The following NFATC2 variants were observed in gnomAD, a reference collection of about 807,000 sequenced individuals.
NFATC2 encodes nuclear factor of activated T-cells, cytoplasmic 2.
NFATC2 carries 22 observed loss-of-function variants against 87.3 expected under a neutral mutation model. The observed-to-expected ratio is 0.25, with a 90% CI of 0.18 to 0.36. NFATC2 has a LOEUF of 0.36. Among genes scored for constraint, NFATC2 ranks in the 10% least tolerant of loss-of-function variants. NFATC2 has a pLI of 1.00. For missense variants in NFATC2, 1,149 were observed against 1,259.1 expected (o/e 0.91, Z 1.32); for synonymous variants, 565 against 542.2 (o/e 1.04, Z -0.58).
At chr20:51,437,394 C>T (rs1167294157) in intron 6 of NFATC2, among the ~76,000 whole-genome samples, 1 of 150,702 alleles carries the variant, frequency 6.6e-6, no homozygotes, top group Non-Finnish European at 1.5e-5. Context: ...CAGAGTAACT[C>T]TGCGAGGTGG....
intron 1 of NFATC2, among the ~76,000 whole-genome samples, chr20:51,539,138 T>G (rs1009160894): frequency 2.0e-5 from 3 of 152,168 alleles, no homozygotes; most frequent in Non-Finnish European, 4.4e-5. Context: ...GTCTGCTACA[T>G]GCTAAACTCC....
At chr20:51,536,900 C>CAT (rs2076730417) in intron 1 of NFATC2, among the ~76,000 whole-genome samples, 1 of 145,788 alleles carries the variant, frequency 6.9e-6, no homozygotes, top group African/African-American at 2.7e-5. Context: ...AAGCACCAAA[C>CAT]ACACACACAC....
rs1434461410 is a variant in NFATC2 at position 51,388,028 on chromosome 20, T to G, written c.*3468A>C. Reference sequence around the variant, plus strand: ...AAACAAAAAATGCAATATCCGTGCCTCCCAGTTCTTTGAAGGAATCAATTC... The same window carrying G: ...AAACAAAAAATGCAATATCCGTGCCGCCCAGTTCTTTGAAGGAATCAATTC... On this transcript the variant is annotated 3_prime_UTR_variant, in exon 11 of 11. Coordinates refer to ENST00000371564, the MANE Select transcript of NFATC2 (RefSeq NM_012340.5). The G allele has an allele frequency of 1.3e-5, 2 of 152,070 alleles. No individual in the cohort carries two copies. Among genetic ancestry groups the G allele is most frequent in the East Asian group, 3.9e-4 (2 of 5,186 alleles). The allele number at this position is 152,070 out of a possible 1,614,324, so 9.4% of individuals were successfully genotyped here.
intron 6 of NFATC2, among the ~76,000 whole-genome samples, chr20:51,448,681 A>T (rs1487330201): frequency 6.6e-6 from 1 of 152,128 alleles, no homozygotes; most frequent in African/African-American, 2.4e-5. Context: ...GAAATGGTGG[A>T]GGAACATTCT....
chr20:51,482,842 ACT>A (rs1450197139), intron 3 of NFATC2, among the ~76,000 whole-genome samples: 1 of 152,240 alleles, frequency 6.6e-6, no homozygotes, highest in Admixed American at 6.5e-5. Context: ...GAGTTTATGT[ACT>A]GTCTCCATTG....
intron 1 of NFATC2, among the ~76,000 whole-genome samples, chr20:51,540,663 T>TTTTTTTTTTTTTTTG (rs1555818354): frequency 3.7e-5 from 5 of 135,772 alleles, no homozygotes; most frequent in East Asian, 2.3e-4. Flanking sequence ...TTTTTGTTTT[T>TTTTTTTTTTTTTTTG]TTTTTTTTGA....
chr20:51,422,187 GTCCTGCCA>G (rs1392807586), intron 9 of NFATC2, among the ~76,000 whole-genome samples: 1 of 152,176 alleles, frequency 6.6e-6, no homozygotes, highest in African/African-American at 2.4e-5. Context: ...GCAACAGACA[GTCCTGCCA>G]TAAAACCAAG....
At chr20:51,491,875 CAT>C (rs1491522510) in intron 3 of NFATC2, among the ~76,000 whole-genome samples, 1,271 of 41,584 alleles carry the variant, frequency 0.031, 7 homozygotes, top group African/African-American at 0.067. Context: ...CACACATACA[CAT>C]ACACACACAC....
At chr20:51,491,661 A>G (rs182521478) in intron 3 of NFATC2, among the ~76,000 whole-genome samples, 1 of 152,110 alleles carries the variant, frequency 6.6e-6, no homozygotes, top group East Asian at 1.9e-4. Flanking sequence ...TCAGAACAAC[A>G]TGTAACAGAG....
Position 51,466,196 on chromosome 20 carries a change from G to A in NFATC2, c.1708+7784C>T, listed in dbSNP as rs183852698. On this transcript the variant is annotated intron_variant, in intron 5 of 10. Coordinates refer to ENST00000371564, the MANE Select transcript of NFATC2 (RefSeq NM_012340.5). ...GCCTCCAGAGTAGCTGGGGTTACAG[G>A]TGTGCACCACCACACCTGGCTAACT... Among the ~76,000 whole-genome samples, 1,328 of 152,266 alleles carry A rather than the reference G, an allele frequency of 8.7e-3. 53 individuals are homozygous for A. In the East Asian group the frequency reaches 0.13, roughly 15 times the overall value.
chr20:51,460,312 C>T (rs143679508), intron 5 of NFATC2, among the ~76,000 whole-genome samples: 100 of 152,264 alleles, frequency 6.6e-4, no homozygotes, highest in Middle Eastern at 6.8e-3. Flanking sequence ...TGGACACCCC[C>T]CTGGTTGATC....
At chr20:51,461,320 C>T (rs1403925252) in intron 5 of NFATC2, among the ~76,000 whole-genome samples, 1 of 152,204 alleles carries the variant, frequency 6.6e-6, no homozygotes, top group Non-Finnish European at 1.5e-5. Flanking sequence ...ACAATCCAAA[C>T]CGCACAGCCT....
chr20:51,527,767 A>AACC (rs1228246516), intron 1 of NFATC2, among the ~76,000 whole-genome samples: 2 of 152,144 alleles, frequency 1.3e-5, no homozygotes, highest in African/African-American at 4.8e-5. Context: ...GTGCCCCCGG[A>AACC]ACCACATGTG....
At chr20:51,533,848 T>C (rs1241528336) in intron 1 of NFATC2, among the ~76,000 whole-genome samples, 1 of 152,194 alleles carries the variant, frequency 6.6e-6, no homozygotes, top group Non-Finnish European at 1.5e-5. Flanking sequence ...GAGAAATGTA[T>C]GGAATCTGCA....
At chr20:51,529,114 C>T (rs2076592184) in intron 1 of NFATC2, among the ~76,000 whole-genome samples, 1 of 152,156 alleles carries the variant, frequency 6.6e-6, no homozygotes, top group South Asian at 2.1e-4. Context: ...GAATTCACTG[C>T]CCTTCGAACC....
chr20:51,520,361 A>T (rs2076423875), intron 2 of NFATC2, among the ~76,000 whole-genome samples: 1 of 152,028 alleles, frequency 6.6e-6, no homozygotes, highest in African/African-American at 2.4e-5. Context: ...GCTGGTGATC[A>T]TGGGGCTTGT....
At chr20:51,506,914 C>A (rs1231582214) in intron 3 of NFATC2, among the ~76,000 whole-genome samples, 1 of 152,340 alleles carries the variant, frequency 6.6e-6, no homozygotes, top group Middle Eastern at 3.4e-3. Context: ...GAGGCAAGGG[C>A]AGAACCTGAA....
chr20:51,434,664 G>A (rs749162240), intron 8 of NFATC2, among the ~76,000 whole-genome samples: 12 of 152,110 alleles, frequency 7.9e-5, no homozygotes, highest in Admixed American at 7.9e-4. Flanking sequence ...GATATTTTCT[G>A]GACAAATGAA....
rs1435933525 is a variant in NFATC2, at chr20:51,394,096, CCT to C, written c.*45-2647_*45-2646del. On this transcript the variant is annotated intron_variant, in intron 10 of 10. Coordinates refer to ENST00000371564, the MANE Select transcript of NFATC2 (RefSeq NM_012340.5). The stretch of plus-strand genomic sequence containing the variant: ...TTGCTATTGGGGGTGGTGAAGTGGC[CCT>C]GAGTTCAACTGCCGCCCAAACCTCT... 2.0e-5 allele frequency among the ~76,000 whole-genome samples: 3 copies of C among 152,142 alleles called. No homozygotes were observed. In the East Asian group the frequency reaches 5.8e-4, roughly 30 times the overall value.
Sources: gnomAD v4.1 joint callset for allele counts (sites outside exome capture counted in the v4.1 genomes callset) on GRCh38, gnomAD v4.1.1 for gene constraint, MANE v1.5 for transcripts, NCBI Gene and HGNC (gene_info 2026-07-23, HGNC 2026-07-21) for gene names.